Variants in DPP8 observed in about 807,000 individuals in gnomAD.
DPP8 encodes the protein dipeptidyl peptidase 8.
DPP8 carries 31 observed loss-of-function variants against 107.5 expected under a neutral mutation model. The observed-to-expected ratio is 0.29, with a 90% confidence interval of 0.22 to 0.39. The LOEUF (loss-of-function observed/expected upper bound fraction) is 0.39, where lower values mean the gene tolerates loss of function less well. Ranked by LOEUF, DPP8 falls within the 10% of genes least tolerant of loss-of-function variation. The probability of loss-of-function intolerance (pLI) is 1.00; values close to 1 mark genes in which losing one functional copy is unlikely to be tolerated. For missense variants in DPP8, 842 were observed against 1,076.1 expected (o/e 0.78, Z 3.04); for synonymous variants, 381 against 356.6 (o/e 1.07, Z -0.77).
chr15:65,501,710 T>G (rs1161844079), intron 3 of DPP8, among the ~76,000 whole-genome samples: 1 of 152,200 alleles, frequency 6.6e-6, no homozygotes, highest in African/African-American at 2.4e-5. Flanking sequence ...GTCACATCAC[T>G]GATCTGAATA....
chr15:65,448,872 A>ATGTGTGTGTGTGTGTGTGTG (rs1422546535), intron 19 of DPP8, among the ~76,000 whole-genome samples: 3 of 8,356 alleles, frequency 3.6e-4, no homozygotes, highest in African/African-American at 1.4e-3. Flanking sequence ...TAAAATATAT[A>ATGTGTGTGTGTGTGTGTGTG]TATATATATA....
intron 11 of DPP8, among the ~76,000 whole-genome samples, chr15:65,477,326 C>T (rs1321656646): frequency 2.6e-5 from 4 of 151,648 alleles, no homozygotes; most frequent in African/African-American, 9.7e-5. Flanking sequence ...ACCCGGGAGG[C>T]GGAGGTTGCA....
intron 19 of DPP8, among the ~76,000 whole-genome samples, chr15:65,449,974 A>T (rs59839195): frequency 0.042 from 4,279 of 102,780 alleles, 147 homozygotes; most frequent in East Asian, 0.13. Context: ...TATTATTATT[A>T]TTTTTTTTTT....
intron 12 of DPP8, among the ~76,000 whole-genome samples, chr15:65,473,437 ATAGT>A (rs2066100021): frequency 6.6e-6 from 1 of 152,240 alleles, no homozygotes; most frequent in South Asian, 2.1e-4. Context: ...CAAGTAGTAG[ATAGT>A]TAGGTGTAGT....
intron 6 of DPP8, among the ~76,000 whole-genome samples, chr15:65,488,683 A>G (rs1031247469): frequency 3.9e-5 from 6 of 152,122 alleles, no homozygotes; most frequent in East Asian, 1.9e-4. Context: ...ACACATAAGA[A>G]TAAGTATTGC....
chr15:65,500,650 T>C lies in DPP8; in HGVS notation c.502A>G (p.Ser168Gly), dbSNP rs764557109. The C allele has an allele frequency of 1.2e-6, 2 of 1,614,084 alleles. No individual in the cohort carries two copies. Among genetic ancestry groups the C allele is most frequent in the Non-Finnish European group, 8.5e-7 (1 of 1,179,960 alleles). Residue 168 changes from serine (S) to glycine (G), a missense_variant, in exon 4 of 20, where the codon AGT becomes GGT. By Grantham distance (56) the Ser-to-Gly change is moderately conservative (BLOSUM62 0). Around this residue, in one of 2 missense-constraint regions of DPP8, gnomAD observed 663 missense variants for 758.0 expected, o/e 0.87. Transcript: ENST00000300141. ...GSGTFLFQAG[S>G]GIYHVKDGGP... ...CCATCTTTTACGTGATAAATTCCACTACCGGCTTGAAACAGAAATGTTCCA... is the reference window on the plus strand; with the variant it reads ...CCATCTTTTACGTGATAAATTCCACCACCGGCTTGAAACAGAAATGTTCCA...
chr15:65,477,232 C>A (rs2066471324), intron 11 of DPP8, among the ~76,000 whole-genome samples: 1 of 151,640 alleles, frequency 6.6e-6, no homozygotes, highest in Admixed American at 6.6e-5. Context: ...ACCAGCCCGG[C>A]CAAAATACAA....
chr15:65,467,669 T>TGC (rs1223126427), intron 12 of DPP8, among the ~76,000 whole-genome samples: 2 of 152,176 alleles, frequency 1.3e-5, no homozygotes, highest in African/African-American at 4.8e-5. Flanking sequence ...TGAGCCACCA[T>TGC]GCCTGGCTGT....
rs1197034335 is a variant in DPP8 at position 65,480,238 on chromosome 15, G to A, written c.1280C>T (p.Thr427Ile). Residue 427 changes from threonine to isoleucine, a missense_variant, in exon 10 of 20, where the codon ACA becomes ATA. By Grantham distance (89) the Thr-to-Ile change is moderately conservative. Transcript: ENST00000300141. Reference protein sequence around the residue: ...VTPLIIYEETTDIWINIHDIF... With the variant: ...VTPLIIYEETIDIWINIHDIF... ...AATGCATACATTTATCCAGATGTCTGTTGTTTCTTCATAGATAATTAGTGG... is the reference window on the plus strand; with the variant it reads ...AATGCATACATTTATCCAGATGTCTATTGTTTCTTCATAGATAATTAGTGG... 6.2e-7 allele frequency: 1 copy of A among 1,612,806 alleles called. No homozygotes were observed.
chr15:65,473,622 CTG>C (rs1360804814), intron 12 of DPP8, among the ~76,000 whole-genome samples: 2 of 152,070 alleles, frequency 1.3e-5, no homozygotes, highest in East Asian at 3.9e-4. Context: ...TGAGCCATGA[CTG>C]TGCCCTGCAC....
chr15:65,493,141 T>C (rs1213728443), intron 5 of DPP8, among the ~76,000 whole-genome samples: 1 of 152,054 alleles, frequency 6.6e-6, no homozygotes, highest in African/African-American at 2.4e-5. Context: ...TGGGGTGCAA[T>C]AGCTCCATCT....
chr15:65,512,148 G>C (rs759740885), intron 2 of DPP8, 147 bp downstream of exon 2: 13 of 815,878 alleles, frequency 1.6e-5, no homozygotes, highest in Non-Finnish European at 2.6e-5. Context: ...CAACAAAATC[G>C]AATTCTTCAA....
At chr15:65,465,054 C>T (rs1241764576) in intron 14 of DPP8, among the ~76,000 whole-genome samples, 3 of 152,050 alleles carry the variant, frequency 2.0e-5, no homozygotes, top group African/African-American at 4.8e-5. Flanking sequence ...TGTTTGTGTA[C>T]AGCAGATAAT....
At chr15:65,471,084 C>T (rs1339803703) in intron 12 of DPP8, among the ~76,000 whole-genome samples, 1 of 152,134 alleles carries the variant, frequency 6.6e-6, no homozygotes, top group African/African-American at 2.4e-5. Flanking sequence ...TTGGGGTTCC[C>T]TCAGCATTAT....
chr15:65,488,850 G>A (rs2032465755), intron 6 of DPP8, among the ~76,000 whole-genome samples: 2 of 152,088 alleles, frequency 1.3e-5, no homozygotes, highest in African/African-American at 2.4e-5. Flanking sequence ...CCACAAGAAG[G>A]GGAGGAATTT....
chr15:65,465,275 C>G (rs2065249267), intron 14 of DPP8, among the ~76,000 whole-genome samples: 1 of 147,378 alleles, frequency 6.8e-6, no homozygotes, highest in Non-Finnish European at 1.5e-5. Context: ...TCAAGTGATT[C>G]TCCTGCCTCA....
At chr15:65,513,513 G>A (rs2071067974) in intron 1 of DPP8, among the ~76,000 whole-genome samples, 1 of 152,098 alleles carries the variant, frequency 6.6e-6, no homozygotes, top group South Asian at 2.1e-4. Context: ...CGCCCAGCGT[G>A]GTGACTCTGT....
intron 14 of DPP8, among the ~76,000 whole-genome samples, chr15:65,466,234 C>A (rs758698584): frequency 1.3e-5 from 2 of 151,928 alleles, no homozygotes; most frequent in Non-Finnish European, 2.9e-5. Flanking sequence ...CGCCTCCCAG[C>A]TTCAAGTGAT....
At chr15:65,500,484 TA>T (rs1441375722) in intron 4 of DPP8, 121 bp downstream of exon 4, 8 of 730,832 alleles carry the variant, frequency 1.1e-5, no homozygotes, top group Non-Finnish European at 1.8e-5. Context: ...TCATTGCTAT[TA>T]AATTTCTTTG....
Sources: allele counts gnomAD v4.1 joint callset (sites outside exome capture counted in the v4.1 genomes callset), GRCh38; gene constraint gnomAD v4.1.1; regional missense constraint gnomAD v4.1.1; transcripts MANE v1.5; gene names NCBI Gene and HGNC (gene_info 2026-07-23, HGNC 2026-07-21).